ZHX3: variants seen among roughly 807,000 people sequenced by gnomAD.
The protein encoded by ZHX3 is zinc fingers and homeoboxes protein 3.
In ZHX3, 20 loss-of-function variants were observed where a neutral mutation model predicts 64.5. That is an observed-to-expected ratio of 0.31 (90% CI 0.22 to 0.45). The LOEUF (loss-of-function observed/expected upper bound fraction) is 0.45. ZHX3 is among the 20% of genes least tolerant of loss of function. The pLI, the probability that ZHX3 is intolerant of heterozygous loss-of-function variation, is 1.00. For missense variants in ZHX3, 1,041 were observed against 1,195.8 expected (o/e 0.87, Z 1.91); for synonymous variants, 423 against 461.6 (o/e 0.92, Z 1.07).
At chr20:41,234,154 C>G (rs943413367) in intron 2 of ZHX3, among the ~76,000 whole-genome samples, 1 of 152,188 alleles carries the variant, frequency 6.6e-6, no homozygotes, top group Non-Finnish European at 1.5e-5. Flanking sequence ...TCACTCGGGC[C>G]CAACTTCCCT....
intron 3 of ZHX3, among the ~76,000 whole-genome samples, chr20:41,193,258 C>T (rs6129766): frequency 0.21 from 31,261 of 152,114 alleles, 3,319 homozygotes; most frequent in South Asian, 0.28. Context: ...CTTTGGGTCA[C>T]GTCTACATCT....
At chr20:41,243,319 T>C (rs1012716360) in intron 2 of ZHX3, among the ~76,000 whole-genome samples, 4 of 152,176 alleles carry the variant, frequency 2.6e-5, no homozygotes, top group African/African-American at 9.7e-5. Context: ...CTGCCTGGAA[T>C]TAAGATTGCC....
chr20:41,257,359 C>T (rs867763029), intron 2 of ZHX3, among the ~76,000 whole-genome samples: 1 of 152,266 alleles, frequency 6.6e-6, no homozygotes, highest in Middle Eastern at 3.4e-3. Flanking sequence ...AATCTCTCAT[C>T]GTAGCTTTCC....
At chr20:41,189,264 C>T (rs2036799563) in intron 3 of ZHX3, among the ~76,000 whole-genome samples, 1 of 152,130 alleles carries the variant, frequency 6.6e-6, no homozygotes, top group African/African-American at 2.4e-5. Flanking sequence ...ATTTTGAAGT[C>T]AGGTAATGTG....
At chr20:41,268,135 G>GGA (rs967999920) in intron 2 of ZHX3, among the ~76,000 whole-genome samples, 11 of 152,032 alleles carry the variant, frequency 7.2e-5, no homozygotes, top group African/African-American at 2.7e-4. Context: ...TTGTGAAGGA[G>GGA]GAGAGAGAGA....
At chr20:41,218,904 T>C (rs923338590) in intron 2 of ZHX3, among the ~76,000 whole-genome samples, 1 of 151,734 alleles carries the variant, frequency 6.6e-6, no homozygotes, top group Non-Finnish European at 1.5e-5. Flanking sequence ...CTACTTGTTT[T>C]TCCCCCTCAA....
At chr20:41,265,295 C>A (rs1199816023) in intron 2 of ZHX3, among the ~76,000 whole-genome samples, 2 of 151,830 alleles carry the variant, frequency 1.3e-5, no homozygotes, top group African/African-American at 4.8e-5. Context: ...CCCCGCCACC[C>A]GGGTTCAAGC....
rs992088040 is a variant in ZHX3 at position 41,181,110 on chromosome 20, G to C, written c.*4081C>G. Reference sequence around the variant, plus strand: ...GTCTGTGCTCTCAGGTAAAAGGAGAGAAGGAAGCTGGGTCAAGAGACCCTG... The same window carrying C: ...GTCTGTGCTCTCAGGTAAAAGGAGACAAGGAAGCTGGGTCAAGAGACCCTG... On this transcript the variant is annotated 3_prime_UTR_variant, in exon 4 of 4. Coordinates refer to ENST00000683867, the MANE Select transcript of ZHX3 (RefSeq NM_001384317.1). 28 of 152,430 alleles carry C rather than the reference G, an allele frequency of 1.8e-4. No individual in the cohort carries two copies. The highest frequency in any genetic ancestry group is 6.5e-4 in the African/African-American group (27 of 41,578). 9.4% of individuals were successfully genotyped at this position (152,430 alleles called of 1,614,324 possible). A position where few individuals can be genotyped will look rare whatever the true frequency, so the allele number is the denominator to read the frequency against.
chr20:41,256,549 A>G (rs997882776), intron 2 of ZHX3, among the ~76,000 whole-genome samples: 1 of 151,176 alleles, frequency 6.6e-6, no homozygotes, highest in Non-Finnish European at 1.5e-5. Context: ...CTATCTTAAT[A>G]TCAAAGCATC....
chr20:41,283,631 G>A (rs1020197320), intron 1 of ZHX3, among the ~76,000 whole-genome samples: 8 of 152,136 alleles, frequency 5.3e-5, no homozygotes, highest in South Asian at 2.1e-4. Context: ...GGTGGCATGC[G>A]CCTGTATCCC....
intron 2 of ZHX3, among the ~76,000 whole-genome samples, chr20:41,263,419 G>A (rs377120982): frequency 1.3e-5 from 2 of 148,324 alleles, no homozygotes; most frequent in African/African-American, 5.0e-5. Flanking sequence ...TTTTGAGATG[G>A]AGTCTCGCTC....
chr20:41,296,171 A>C (rs1026816711), intron 1 of ZHX3, among the ~76,000 whole-genome samples: 1 of 148,662 alleles, frequency 6.7e-6, no homozygotes, highest in Non-Finnish European at 1.5e-5. Context: ...CTCACTTAAC[A>C]TCACTCATGC....
In ZHX3 at chr20:41,236,176, C is replaced by G. The variant is rs534957200; in HGVS notation, c.-150-31110G>C. ...GCTCATGGGTAGGAAGAATCAATAT[C>G]GTGATAATGGCCATACTGTCCAAGG... On this transcript the variant is annotated intron_variant, in intron 2 of 3. Coordinates refer to ENST00000683867, the MANE Select transcript of ZHX3 (RefSeq NM_001384317.1). 8.0e-4 allele frequency among the ~76,000 whole-genome samples: 122 copies of G among 152,220 alleles called. No homozygotes were observed. In the Middle Eastern group the frequency reaches 0.014, roughly 17 times the overall value.
chr20:41,251,194 C>A (rs1241485858), intron 2 of ZHX3, among the ~76,000 whole-genome samples: 1 of 151,826 alleles, frequency 6.6e-6, no homozygotes, highest in Non-Finnish European at 1.5e-5. Flanking sequence ...TCCTGTAGTC[C>A]CAGCTATTTG....
intron 3 of ZHX3, among the ~76,000 whole-genome samples, chr20:41,186,005 T>C (rs2036488256): frequency 6.6e-6 from 1 of 152,242 alleles, no homozygotes; most frequent in Non-Finnish European, 1.5e-5. Flanking sequence ...TGGTAAAATA[T>C]AAATAACATA....
chr20:41,223,999 C>T (rs1231235775), intron 2 of ZHX3, among the ~76,000 whole-genome samples: 3 of 152,092 alleles, frequency 2.0e-5, no homozygotes, highest in African/African-American at 7.2e-5. Flanking sequence ...ATTGCATTTG[C>T]CTCTGGCCAT....
chr20:41,302,105 C>G (rs2044841138), intron 1 of ZHX3, among the ~76,000 whole-genome samples: 1 of 144,116 alleles, frequency 6.9e-6, no homozygotes, highest in Non-Finnish European at 1.5e-5. Flanking sequence ...CGCAAGTGCT[C>G]TTCCAACCCC....
chr20:41,275,294 T>C (rs2146654011), intron 1 of ZHX3, among the ~76,000 whole-genome samples: 1 of 152,294 alleles, frequency 6.6e-6, no homozygotes, highest in Non-Finnish European at 1.5e-5. Context: ...ATAATGAAAC[T>C]AAAAGCAATA....
At chr20:41,250,481 C>T (rs947891304) in intron 2 of ZHX3, among the ~76,000 whole-genome samples, 2 of 152,038 alleles carry the variant, frequency 1.3e-5, no homozygotes, top group Non-Finnish European at 2.9e-5. Flanking sequence ...GCCAGGAGTT[C>T]GAGACCAACC....
Sources: gnomAD v4.1 joint callset for allele counts (sites outside exome capture counted in the v4.1 genomes callset) on GRCh38, gnomAD v4.1.1 for gene constraint, MANE v1.5 for transcripts, NCBI Gene and HGNC (gene_info 2026-07-23, HGNC 2026-07-21) for gene names.